The following SPATA31G1 variants were observed in gnomAD, a reference collection of about 807,000 sequenced individuals.
The protein encoded by SPATA31G1 is SPATA31 subfamily G member 1.
At chr9:35,041,973 C>T in the SPATA31G1 span, 15 of 337,434 alleles carry the variant, frequency 4.4e-5, no homozygotes, top group South Asian at 4.7e-4. Flanking sequence ...TTTGAGTTTT[C>T]ACAGGTAGGA....
chr9:35,044,672 G>C, the SPATA31G1 span: 1 of 1,614,028 alleles, frequency 6.2e-7, no homozygotes, highest in Middle Eastern at 1.6e-4. Context: ...AGAACCACTG[G>C]GCCACTGAGC....
At chr9:35,043,092 C>A in the SPATA31G1 span, 1 of 1,614,202 alleles carries the variant, frequency 6.2e-7, no homozygotes, top group Non-Finnish European at 8.5e-7. Context: ...GATACCAGAG[C>A]AAACAGTCAT....
the SPATA31G1 span, chr9:35,045,001 T>C: frequency 3.1e-6 from 5 of 1,614,054 alleles, no homozygotes; most frequent in Non-Finnish European, 4.2e-6. Context: ...AAACTCAGGC[T>C]GAAGAAACTG....
the SPATA31G1 span, chr9:35,042,400 T>C: frequency 4.3e-6 from 7 of 1,614,152 alleles, no homozygotes; most frequent in Admixed American, 1.2e-4. Flanking sequence ...TTCTTATTCG[T>C]GGTTTGGCAG....
At chr9:35,045,544 A>G in the SPATA31G1 span, 2 of 1,614,182 alleles carry the variant, frequency 1.2e-6, no homozygotes, top group Non-Finnish European at 8.5e-7. Flanking sequence ...ACAGGGAAGA[A>G]CCACCCTGCC....
At chr9:35,043,757 G>T in the SPATA31G1 span, 1 of 1,614,198 alleles carries the variant, frequency 6.2e-7, no homozygotes, top group Non-Finnish European at 8.5e-7. Context: ...GATACAGAGA[G>T]AAACCTCAGG....
At chr9:35,043,372 C>T in the SPATA31G1 span, 1 of 1,614,052 alleles carries the variant, frequency 6.2e-7, no homozygotes, top group African/African-American at 1.3e-5. Context: ...CAGTATCACT[C>T]CTCAGCCCAG....
At chr9:35,042,962 G>A in the SPATA31G1 span, 6 of 1,614,176 alleles carry the variant, frequency 3.7e-6, no homozygotes, top group Admixed American at 5.0e-5. Flanking sequence ...GGGAAGACGA[G>A]GCATCTCTGG....
the SPATA31G1 span, chr9:35,042,012 C>T: frequency 1.9e-6 from 1 of 536,666 alleles, no homozygotes; most frequent in Non-Finnish European, 3.2e-6. Context: ...TTGAATAAGG[C>T]AGTTCGGTGC....
At chr9:35,042,390 T>C in the SPATA31G1 span, 4 of 1,614,050 alleles carry the variant, frequency 2.5e-6, no homozygotes, top group Non-Finnish European at 3.4e-6. Flanking sequence ...GGTGACACTA[T>C]TCTTATTCGT....
At chr9:35,042,953 G>C in the SPATA31G1 span, 1 of 1,614,132 alleles carries the variant, frequency 6.2e-7, no homozygotes, top group Non-Finnish European at 8.5e-7. Flanking sequence ...AGGAAGAGGG[G>C]GAAGACGAGG....
chr9:35,043,482 C>T, the SPATA31G1 span: 2,877 of 1,614,166 alleles, frequency 1.8e-3, 50 homozygotes, highest in African/African-American at 0.033. Flanking sequence ...CTCATCACTA[C>T]TCCTCCATCT....
the SPATA31G1 span, chr9:35,042,615 A>G: frequency 1.4e-6 from 2 of 1,424,564 alleles, no homozygotes; most frequent in Non-Finnish European, 1.9e-6. Context: ...AACCACTGAC[A>G]CTAGATTTGA....
At chr9:35,043,210 A>C in the SPATA31G1 span, 4 of 1,614,218 alleles carry the variant, frequency 2.5e-6, no homozygotes, top group African/African-American at 1.3e-5. Flanking sequence ...AGAAAAAGCC[A>C]GCTCTTCTGG....
At chr9:35,043,353 T>C in the SPATA31G1 span, 1 of 1,614,174 alleles carries the variant, frequency 6.2e-7, no homozygotes, top group African/African-American at 1.3e-5. Context: ...GTCCAACCTG[T>C]TGCTTCCCCA....
At chr9:35,044,563 C>T in the SPATA31G1 span, 6 of 1,614,026 alleles carry the variant, frequency 3.7e-6, no homozygotes, top group African/African-American at 4.0e-5. Flanking sequence ...GGTAGGGGCT[C>T]CAGCCCATCC....
the SPATA31G1 span, chr9:35,044,564 C>T: frequency 6.8e-6 from 11 of 1,614,044 alleles, no homozygotes; most frequent in African/African-American, 5.3e-5. Context: ...GTAGGGGCTC[C>T]AGCCCATCCT....
At chr9:35,044,399 C>T in the SPATA31G1 span, 1 of 1,614,036 alleles carries the variant, frequency 6.2e-7, no homozygotes, top group Non-Finnish European at 8.5e-7. Flanking sequence ...GATGTGGGGA[C>T]ATACAAAAGA....
chr9:35,043,086 CCAGAG>C, the SPATA31G1 span: 2 of 1,614,206 alleles, frequency 1.2e-6, no homozygotes, highest in Non-Finnish European at 1.7e-6. Context: ...TATAGGGATA[CCAGAG>C]CAAACAGTCA....
Sources: allele counts gnomAD v4.1 joint callset, GRCh38; gene constraint gnomAD v4.1.1; transcripts MANE v1.5; gene names NCBI Gene and HGNC (gene_info 2026-07-23, HGNC 2026-07-21).